ARRB1: variants seen among roughly 807,000 people sequenced by gnomAD.
The protein encoded by ARRB1 is arrestin beta 1, also known as beta-arrestin-1.
In ARRB1, 21 loss-of-function variants were observed where a neutral mutation model predicts 56.8. The ratio of observed to expected loss-of-function variants is 0.37; its 90% CI spans 0.26 to 0.53. The LOEUF (loss-of-function observed/expected upper bound fraction) is 0.53, where lower values mean the gene tolerates loss of function less well. ARRB1 is among the 20% of genes least tolerant of loss of function. ARRB1 has a pLI of 0.88. For missense variants in ARRB1, 424 were observed against 553.7 expected (o/e 0.77, Z 2.35); for synonymous variants, 210 against 218.6 (o/e 0.96, Z 0.35).
chr11:75,306,450 AG>A (rs1947032408), intron 1 of ARRB1: 1 of 572,316 alleles, frequency 1.7e-6, no homozygotes, highest in Non-Finnish European at 3.0e-6. Flanking sequence ...GCTGGTGCGC[AG>A]GAAGCACTCA....
At chr11:75,350,078 T>C (rs115615153) in intron 1 of ARRB1, among the ~76,000 whole-genome samples, 16 of 152,360 alleles carry the variant, frequency 1.1e-4, no homozygotes, top group Admixed American at 9.8e-4. Flanking sequence ...GGCTGGAAAG[T>C]AGTTTCTAAA....
At chr11:75,291,745 C>T (rs1946616586) in intron 1 of ARRB1, among the ~76,000 whole-genome samples, 1 of 152,136 alleles carries the variant, frequency 6.6e-6, no homozygotes, top group South Asian at 2.1e-4. Context: ...GATAGGGACA[C>T]AGGCCCTGGA....
intron 1 of ARRB1, among the ~76,000 whole-genome samples, chr11:75,341,985 C>T (rs182703125): frequency 5.9e-4 from 90 of 152,290 alleles, no homozygotes; most frequent in African/African-American, 2.1e-3. Context: ...CCCCTCCTAA[C>T]GAGAGAAGGA....
At chr11:75,313,648 A>T (rs1403242895) in intron 1 of ARRB1, among the ~76,000 whole-genome samples, 6 of 152,180 alleles carry the variant, frequency 3.9e-5, no homozygotes, top group Non-Finnish European at 5.9e-5. Flanking sequence ...TGCAGCTGGG[A>T]TTGGCTGGCT....
intron 1 of ARRB1, among the ~76,000 whole-genome samples, chr11:75,321,144 G>A (rs1947343632): frequency 1.3e-5 from 2 of 152,028 alleles, no homozygotes; most frequent in Admixed American, 1.3e-4. Flanking sequence ...TTCCTTTCAG[G>A]AGAGGCACAA....
chr11:75,313,221 C>T (rs1201712396), intron 1 of ARRB1, among the ~76,000 whole-genome samples: 1 of 152,152 alleles, frequency 6.6e-6, no homozygotes, highest in East Asian at 1.9e-4. Flanking sequence ...CGTGGTGGCT[C>T]TTGCCTGTAA....
At chr11:75,334,335 C>T (rs887289246) in intron 1 of ARRB1, among the ~76,000 whole-genome samples, 1 of 149,016 alleles carries the variant, frequency 6.7e-6, no homozygotes, top group South Asian at 2.1e-4. Context: ...AAGGCCCCAT[C>T]CCGGTTACAA....
At chr11:75,342,144 C>A (rs1023461912) in intron 1 of ARRB1, among the ~76,000 whole-genome samples, 4 of 152,200 alleles carry the variant, frequency 2.6e-5, no homozygotes, top group Admixed American at 1.3e-4. Flanking sequence ...CAGGCCAGAG[C>A]CCCTTCCCTC....
chr11:75,286,079 CCCCCTGGCCCTGGG>C (rs1946463434), intron 3 of ARRB1, among the ~76,000 whole-genome samples: 1 of 152,020 alleles, frequency 6.6e-6, no homozygotes, highest in African/African-American at 2.4e-5. Flanking sequence ...CTGCTGACAG[CCCCCTGGCCCTGGG>C]AGCCCAGGGT....
At chr11:75,347,041 C>T (rs756769892) in intron 1 of ARRB1, among the ~76,000 whole-genome samples, 1 of 152,250 alleles carries the variant, frequency 6.6e-6, no homozygotes, top group Non-Finnish European at 1.5e-5. Context: ...TGTGCTGACT[C>T]CCAGCCTGCT....
chr11:75,332,316 G>T (rs1367637903), intron 1 of ARRB1, among the ~76,000 whole-genome samples: 1 of 152,180 alleles, frequency 6.6e-6, no homozygotes, highest in East Asian at 1.9e-4. Context: ...ATCTTGAAAT[G>T]GCCCTGCAAA....
chr11:75,300,686 G>A (rs1946878917), intron 1 of ARRB1, among the ~76,000 whole-genome samples: 1 of 148,172 alleles, frequency 6.7e-6, no homozygotes, highest in African/African-American at 2.6e-5. Flanking sequence ...AAAAATTAGG[G>A]CCGGGCGCGG....
At chr11:75,338,316 A>G (rs900181149) in intron 1 of ARRB1, among the ~76,000 whole-genome samples, 2 of 152,174 alleles carry the variant, frequency 1.3e-5, no homozygotes, top group African/African-American at 4.8e-5. Flanking sequence ...AGACAATTGT[A>G]ATGATCCAGG....
intron 15 of ARRB1, among the ~76,000 whole-genome samples, 169 bp downstream of exon 15, chr11:75,267,483 G>C (rs550986405): frequency 7.2e-5 from 11 of 152,300 alleles, no homozygotes; most frequent in Non-Finnish European, 1.0e-4. Context: ...GGTCCTTCAA[G>C]TCACATGCAG....
chr11:75,263,042 C>T lies in ARRB1; in HGVS notation c.*3121G>A, dbSNP rs1178692698. Among the ~76,000 whole-genome samples the T allele has an allele frequency of 1.3e-5, 2 of 152,190 alleles. No individual in the cohort carries two copies. Among genetic ancestry groups the T allele is most frequent in the Non-Finnish European group, 2.9e-5 (2 of 68,032 alleles). ...TTTCCTTCCTGCCCGGACCGGTGTCCACACGCCACCCACAGGGCACACTGC... is the reference window on the plus strand; with the variant it reads ...TTTCCTTCCTGCCCGGACCGGTGTCTACACGCCACCCACAGGGCACACTGC... On this transcript the variant is annotated 3_prime_UTR_variant, in exon 16 of 16. Coordinates refer to ENST00000420843, the MANE Select transcript of ARRB1 (RefSeq NM_004041.5).
chr11:75,286,709 G>A (rs1308209005), intron 3 of ARRB1, among the ~76,000 whole-genome samples: 1 of 152,164 alleles, frequency 6.6e-6, no homozygotes, highest in Non-Finnish European at 1.5e-5. Context: ...TGTCAAGCAT[G>A]CAGAAATTGC....
intron 1 of ARRB1, among the ~76,000 whole-genome samples, chr11:75,336,230 G>A (rs1206801528): frequency 6.6e-6 from 1 of 152,182 alleles, no homozygotes; most frequent in Non-Finnish European, 1.5e-5. Context: ...AATCAAAAAA[G>A]TGAGAATCAA....
At chr11:75,283,734 C>T (rs1050158750) in intron 4 of ARRB1, among the ~76,000 whole-genome samples, 1 of 152,184 alleles carries the variant, frequency 6.6e-6, no homozygotes, top group African/African-American at 2.4e-5. Flanking sequence ...CCACCTCTCC[C>T]CAGGGCATAT....
At chr11:75,278,493 G>C in intron 8 of ARRB1, 116 bp downstream of exon 8, 3 of 1,436,152 alleles carry the variant, frequency 2.1e-6, no homozygotes, top group Non-Finnish European at 2.8e-6. Flanking sequence ...GTGGTCCTTG[G>C]GCTGGGGATA....
Sources: gnomAD v4.1 joint callset for allele counts (sites outside exome capture counted in the v4.1 genomes callset) on GRCh38, gnomAD v4.1.1 for gene constraint, MANE v1.5 for transcripts, NCBI Gene and HGNC (gene_info 2026-07-23, HGNC 2026-07-21) for gene names.